Variants in USP34 observed in about 807,000 individuals in gnomAD.
USP34 encodes the protein ubiquitin specific peptidase 34.
In USP34, 70 loss-of-function variants were observed where a neutral mutation model predicts 460.3. The observed-to-expected ratio is 0.15, with a 90% CI of 0.13 to 0.19. The LOEUF is 0.19. USP34 is among the 10% of genes least tolerant of loss of function. The pLI is 1.00. For missense variants in USP34, 3,985 were observed against 4,236.2 expected (o/e 0.94, Z 1.65); for synonymous variants, 1,647 against 1,405.3 (o/e 1.17, Z -3.85).
intron 75 of USP34, among the ~76,000 whole-genome samples, chr2:61,199,091 T>G (rs1182095842): frequency 6.6e-6 from 1 of 152,226 alleles, no homozygotes; most frequent in Non-Finnish European, 1.5e-5. Flanking sequence ...ATTCAGTTTA[T>G]GGCATTTTCA....
chr2:61,278,488 G>A, intron 39 of USP34, 45 bp from the exon 40 acceptor site: 1 of 1,376,010 alleles, frequency 7.3e-7, no homozygotes, highest in Non-Finnish European at 9.7e-7. Flanking sequence ...AATTTTTTAT[G>A]TTTTACCAAA....
chr2:61,369,038 G>C (rs530107939), intron 10 of USP34, among the ~76,000 whole-genome samples: 2 of 152,060 alleles, frequency 1.3e-5, no homozygotes, highest in Non-Finnish European at 2.9e-5. Flanking sequence ...TCCAGAAAAA[G>C]CAACAAAATG....
At chr2:61,375,794 A>AAAAG (rs1692779406) in intron 8 of USP34, among the ~76,000 whole-genome samples, 6 of 148,522 alleles carry the variant, frequency 4.0e-5, no homozygotes, top group African/African-American at 1.2e-4. Context: ...AAAAAAAAAA[A>AAAAG]GTAGAAACAA....
chr2:61,442,114 A>C (rs980548156), intron 1 of USP34, among the ~76,000 whole-genome samples: 1 of 152,236 alleles, frequency 6.6e-6, no homozygotes, highest in Non-Finnish European at 1.5e-5. Flanking sequence ...CTACATAAAC[A>C]ATCAACTCAA....
intron 38 of USP34, among the ~76,000 whole-genome samples, chr2:61,280,660 A>T (rs1286497492): frequency 1.3e-5 from 2 of 152,198 alleles, no homozygotes; most frequent in Admixed American, 1.3e-4. Flanking sequence ...AGTGGGCTCT[A>T]AATTTATTAT....
At chr2:61,272,803 T>C (rs1012279991) in intron 41 of USP34, among the ~76,000 whole-genome samples, 17 of 152,152 alleles carry the variant, frequency 1.1e-4, no homozygotes, top group Non-Finnish European at 2.2e-4. Context: ...AACATTATTC[T>C]GAATGTTTCA....
intron 5 of USP34, among the ~76,000 whole-genome samples, chr2:61,384,066 C>T (rs778486135): frequency 3.9e-5 from 6 of 152,078 alleles, no homozygotes; most frequent in Non-Finnish European, 8.8e-5. Context: ...TAAAATATTT[C>T]AAATTACCCA....
intron 21 of USP34, among the ~76,000 whole-genome samples, chr2:61,319,843 C>CA (rs1243964325): frequency 1.2e-4 from 18 of 151,592 alleles, no homozygotes; most frequent in Admixed American, 3.9e-4. Flanking sequence ...GATTCCATCT[C>CA]AAAAAAACCA....
chr2:61,226,898 A>G, intron 62 of USP34, 169 bp downstream of exon 62: 4 of 800,594 alleles, frequency 5.0e-6, no homozygotes, highest in Non-Finnish European at 7.1e-6. Flanking sequence ...ACAAGAGTTG[A>G]TGAATAGTAG....
At chr2:61,213,502 G>T (rs1195384535) in intron 68 of USP34, among the ~76,000 whole-genome samples, 1 of 152,184 alleles carries the variant, frequency 6.6e-6, no homozygotes, top group East Asian at 1.9e-4. Context: ...TTACATCGAG[G>T]GGAGGAAACT....
At chr2:61,382,542 T>C (rs1175962246) in intron 6 of USP34, among the ~76,000 whole-genome samples, 1 of 152,174 alleles carries the variant, frequency 6.6e-6, no homozygotes, top group African/African-American at 2.4e-5. Context: ...TTCATCACTA[T>C]CTGATTCTTT....
chr2:61,417,649 G>GT (rs1694233047), intron 2 of USP34, among the ~76,000 whole-genome samples: 1 of 146,612 alleles, frequency 6.8e-6, no homozygotes, highest in Admixed American at 6.8e-5. Context: ...GTTTCTCAAA[G>GT]TTGTTTTTTT....
intron 75 of USP34, among the ~76,000 whole-genome samples, chr2:61,195,366 T>TAAA (rs34844512): frequency 0.018 from 2,471 of 140,164 alleles, 52 homozygotes; most frequent in African/African-American, 0.04. Context: ...TTTTAAAGGT[T>TAAA]AAAAAAAAAA....
intron 10 of USP34, 109 bp from the exon 11 acceptor site, chr2:61,350,802 T>A: frequency 8.8e-7 from 1 of 1,137,224 alleles, no homozygotes; most frequent in Non-Finnish European, 1.2e-6. Flanking sequence ...ACACTAATAT[T>A]TTTTAATATG....
At chr2:61,200,496 C>T (rs566899452) in intron 75 of USP34, 2 of 152,284 alleles carry the variant, frequency 1.3e-5, no homozygotes, top group Non-Finnish European at 2.9e-5. Flanking sequence ...ATATATTTCT[C>T]TTTATCCTCT....
chr2:61,444,657 T>C (rs1247204978), intron 1 of USP34, among the ~76,000 whole-genome samples: 3 of 151,978 alleles, frequency 2.0e-5, no homozygotes, highest in Admixed American at 6.6e-5. Context: ...ACTGAGCAAA[T>C]GATGCACATT....
rs552420173 is a variant in USP34, at chr2:61,351,718, A to G, written c.1252-1025T>C. Among the ~76,000 whole-genome samples the G allele has an allele frequency of 5.9e-5, 9 of 152,302 alleles. No individual in the cohort carries two copies. The East Asian group carries it at 1.7e-3, about 29-fold the overall frequency. Reference sequence around the variant, plus strand: ...AATATGCACAACCTAATACTGAAATATAAGGTGAAATACATGTAAGAAAAC... The same window carrying G: ...AATATGCACAACCTAATACTGAAATGTAAGGTGAAATACATGTAAGAAAAC... On this transcript the variant is annotated intron_variant, in intron 10 of 79. Transcript: ENST00000398571.
intron 25 of USP34, among the ~76,000 whole-genome samples, chr2:61,313,403 G>C (rs1690654187): frequency 6.6e-6 from 1 of 152,024 alleles, no homozygotes; most frequent in Non-Finnish European, 1.5e-5. Flanking sequence ...CAAGGACTAA[G>C]GGTGTGAATC....
chr2:61,250,026 C>A (rs369362322), intron 48 of USP34, among the ~76,000 whole-genome samples: 3 of 152,160 alleles, frequency 2.0e-5, no homozygotes, highest in African/African-American at 7.2e-5. Context: ...AGTGGGCAGA[C>A]TGCTTGAGGC....
Sources: gnomAD v4.1 joint callset for allele counts (sites outside exome capture counted in the v4.1 genomes callset) on GRCh38, gnomAD v4.1.1 for gene constraint, MANE v1.5 for transcripts, NCBI Gene and HGNC (gene_info 2026-07-23, HGNC 2026-07-21) for gene names.